MPPED2: variants seen among roughly 807,000 people sequenced by gnomAD.
The protein encoded by MPPED2 is metallophosphoesterase MPPED2.
MPPED2 carries 5 observed loss-of-function variants against 33.0 expected under a neutral mutation model. The observed-to-expected ratio is 0.15, with a 90% CI of 0.08 to 0.32. MPPED2 has a LOEUF of 0.32. Among genes scored for constraint, MPPED2 ranks in the 10% least tolerant of loss-of-function variants. MPPED2 has a pLI of 1.00. For missense variants in MPPED2, 275 were observed against 372.1 expected, an observed-to-expected ratio of 0.74 and a Z score of 2.15; for synonymous variants, 136 against 141.9, an observed-to-expected ratio of 0.96 and a Z score of 0.29.
rs1948059728 is a variant in MPPED2 at position 30,410,369 on chromosome 11, A to G, written c.*1099T>C. The G allele has an allele frequency of 1.0e-6, 1 of 985,726 alleles. No individual in the cohort carries two copies. Among genetic ancestry groups the G allele is most frequent in the Non-Finnish European group, 1.2e-6 (1 of 829,914 alleles). 61.1% of individuals were successfully genotyped at this position (985,726 alleles called of 1,614,324 possible). On this transcript the variant is annotated 3_prime_UTR_variant, in exon 7 of 7. Transcript: ENST00000358117. ...AGCTCAACAGCATTTACAATGGGAA[A>G]ACAGAAATGACTATTAGCGACAATA...
intron 4 of MPPED2, among the ~76,000 whole-genome samples, chr11:30,487,497 G>C (rs1248907438): frequency 1.3e-5 from 2 of 152,146 alleles, no homozygotes; most frequent in Non-Finnish European, 2.9e-5. Context: ...ATCTGTGTGT[G>C]TGAGAGACAG....
At chr11:30,409,604 G>T (rs977092127), downstream of MPPED2, among the ~76,000 whole-genome samples, 2 of 152,180 alleles carry the variant, frequency 1.3e-5, no homozygotes, top group African/African-American at 2.4e-5. Flanking sequence ...TGCGCCAAAG[G>T]ATCCACAATA....
intron 3 of MPPED2, among the ~76,000 whole-genome samples, chr11:30,524,541 C>G (rs1954061171): frequency 6.6e-6 from 1 of 152,150 alleles, no homozygotes; most frequent in African/African-American, 2.4e-5. Context: ...CAGCATCAAC[C>G]AGCCTCAGAG....
chr11:30,430,035 T>C (rs1346210099), intron 4 of MPPED2, among the ~76,000 whole-genome samples: 1 of 152,182 alleles, frequency 6.6e-6, no homozygotes, highest in Non-Finnish European at 1.5e-5. Context: ...TCTAGCACAG[T>C]GCCTGACACA....
chr11:30,474,799 A>T (rs938985795), intron 4 of MPPED2, among the ~76,000 whole-genome samples: 9 of 152,170 alleles, frequency 5.9e-5, no homozygotes, highest in Non-Finnish European at 7.3e-5. Context: ...CTTCTAAGTT[A>T]TGTAAGCCAG....
intron 4 of MPPED2, among the ~76,000 whole-genome samples, chr11:30,494,773 G>GAA (rs1952171898): frequency 3.3e-5 from 4 of 122,812 alleles, no homozygotes; most frequent in South Asian, 2.8e-4. Flanking sequence ...AAGAAAGAAA[G>GAA]AAAGAAAAGA....
intron 4 of MPPED2, among the ~76,000 whole-genome samples, chr11:30,431,141 G>A (rs1222879529): frequency 6.6e-6 from 1 of 152,196 alleles, no homozygotes; most frequent in Non-Finnish European, 1.5e-5. Context: ...GATGATGTGG[G>A]GCTTTTTTTG....
At chr11:30,548,664 G>T (rs1158941115) in intron 2 of MPPED2, among the ~76,000 whole-genome samples, 1 of 151,868 alleles carries the variant, frequency 6.6e-6, no homozygotes, top group Non-Finnish European at 1.5e-5. Flanking sequence ...AAAAGAAGGT[G>T]CATTTTACCT....
chr11:30,490,825 T>C (rs1287324844), intron 4 of MPPED2, among the ~76,000 whole-genome samples: 1 of 152,206 alleles, frequency 6.6e-6, no homozygotes, highest in African/African-American at 2.4e-5. Flanking sequence ...AAATACAGAC[T>C]AATATTCTTT....
chr11:30,525,590 CT>C (rs1488813956), intron 3 of MPPED2, among the ~76,000 whole-genome samples: 1 of 152,170 alleles, frequency 6.6e-6, no homozygotes, highest in East Asian at 1.9e-4. Context: ...AAGTAGGAAG[CT>C]TAAGAATTGA....
chr11:30,486,084 C>T (rs1398746942), intron 4 of MPPED2, among the ~76,000 whole-genome samples: 3 of 152,160 alleles, frequency 2.0e-5, no homozygotes, highest in African/African-American at 4.8e-5. Context: ...TGCTCCAAAA[C>T]CCATCTCACC....
At chr11:30,560,756 G>A (rs1200174804) in intron 2 of MPPED2, among the ~76,000 whole-genome samples, 1 of 152,210 alleles carries the variant, frequency 6.6e-6, no homozygotes, top group African/African-American at 2.4e-5. Context: ...TACAGGCGAT[G>A]CAAATGCAAT....
intron 4 of MPPED2, chr11:30,429,270 T>A (rs1255493183): frequency 6.6e-6 from 1 of 152,238 alleles, no homozygotes; most frequent in Non-Finnish European, 1.5e-5. Flanking sequence ...TTCTGATAAG[T>A]GTCTTCTAAT....
chr11:30,419,067 C>T (rs905275000), intron 4 of MPPED2, among the ~76,000 whole-genome samples: 2 of 152,074 alleles, frequency 1.3e-5, no homozygotes, highest in African/African-American at 4.8e-5. Flanking sequence ...AAGCCATGCC[C>T]GGGGTGCTTG....
intron 3 of MPPED2, among the ~76,000 whole-genome samples, chr11:30,525,787 T>C (rs1954132066): frequency 6.6e-6 from 1 of 152,198 alleles, no homozygotes; most frequent in Non-Finnish European, 1.5e-5. Flanking sequence ...CAAAAGGTAC[T>C]TTGAGTCCTT....
chr11:30,543,721 C>T (rs977886973), intron 2 of MPPED2, among the ~76,000 whole-genome samples: 2 of 150,946 alleles, frequency 1.3e-5, no homozygotes, highest in African/African-American at 4.9e-5. Flanking sequence ...AGCCAGAATT[C>T]CAGTTATAAC....
At chr11:30,485,650 C>T (rs1951712315) in intron 4 of MPPED2, among the ~76,000 whole-genome samples, 4 of 152,108 alleles carry the variant, frequency 2.6e-5, no homozygotes, top group Non-Finnish European at 5.9e-5. Context: ...GCTGGGGAGG[C>T]CCTGCCAGAA....
chr11:30,520,888 G>A (rs1008558654), intron 3 of MPPED2, among the ~76,000 whole-genome samples: 6 of 152,126 alleles, frequency 3.9e-5, no homozygotes, highest in South Asian at 2.1e-4. Flanking sequence ...GCCATTCACC[G>A]AGTATGTACC....
At chr11:30,437,091 G>C (rs1405267587) in intron 4 of MPPED2, among the ~76,000 whole-genome samples, 1 of 152,168 alleles carries the variant, frequency 6.6e-6, no homozygotes, top group Non-Finnish European at 1.5e-5. Context: ...TCAGATTTAA[G>C]TGGCCTCTAT....
Sources: allele counts gnomAD v4.1 joint callset (sites outside exome capture counted in the v4.1 genomes callset), GRCh38; gene constraint gnomAD v4.1.1; transcripts MANE v1.5; gene names NCBI Gene and HGNC (gene_info 2026-07-23, HGNC 2026-07-21).